The following ZBTB34 variants were observed in gnomAD, a reference collection of about 807,000 sequenced individuals.
The protein encoded by ZBTB34 is zinc finger and BTB domain-containing protein 34.
ZBTB34 carries 1 observed loss-of-function variant against 33.4 expected under a neutral mutation model. The observed-to-expected ratio is 0.03, with a 90% CI of 0.01 to 0.14. The LOEUF is 0.14. Ranked by LOEUF, ZBTB34 falls within the 10% of genes least tolerant of loss-of-function variation. The probability of loss-of-function intolerance (pLI) is 1.00; values close to 1 mark genes in which losing one functional copy is unlikely to be tolerated. For synonymous variants in ZBTB34, 283 were observed against 253.5 expected (o/e 1.12, Z -1.11); for missense variants, 406 against 657.2 (o/e 0.62, Z 4.18).
intron 1 of ZBTB34, among the ~76,000 whole-genome samples, chr9:126,878,939 G>T (rs1431933331): frequency 6.6e-6 from 1 of 152,016 alleles, no homozygotes; most frequent in Admixed American, 6.6e-5. Flanking sequence ...GGCCAGGTTG[G>T]TTTCAAACTC....
intron 1 of ZBTB34, among the ~76,000 whole-genome samples, chr9:126,871,955 ATT>A (rs549117075): frequency 5.5e-5 from 8 of 144,260 alleles, no homozygotes; most frequent in Non-Finnish European, 4.6e-5. Context: ...GTCTCTACAA[ATT>A]TTTTTTTTTT....
chr9:126,874,767 A>G (rs2033332841), intron 1 of ZBTB34, among the ~76,000 whole-genome samples: 1 of 152,146 alleles, frequency 6.6e-6, no homozygotes, highest in South Asian at 2.1e-4. Flanking sequence ...CTGTCTGGAC[A>G]GTTTCCCTGC....
rs550648895 is a variant in ZBTB34 at position 126,879,316 on chromosome 9, G to T, written c.-10-74G>T. 46 of 1,226,664 alleles carry T rather than the reference G, an allele frequency of 3.8e-5. No individual in the cohort carries two copies. Among genetic ancestry groups the T allele is most frequent in the Non-Finnish European group, 4.4e-5 (38 of 870,324 alleles). 76.0% of individuals were successfully genotyped at this position (1,226,664 alleles called of 1,614,324 possible). On this transcript the variant is annotated intron_variant, in intron 1 of 1. Coordinates refer to ENST00000319119, the Ensembl canonical transcript of ZBTB34. This position sits in a 1 kb window ranked among gnomAD's most constrained non-coding sequence, Gnocchi z 6.4. Reference sequence around the variant, plus strand: ...TGATAGCCACAATGGTATTGTTGTTGTAAGCTTGTGTTTATGCCACTTGTA... The same window carrying T: ...TGATAGCCACAATGGTATTGTTGTTTTAAGCTTGTGTTTATGCCACTTGTA...
intron 1 of ZBTB34, among the ~76,000 whole-genome samples, chr9:126,873,932 G>A (rs141802343): frequency 6.6e-6 from 1 of 151,554 alleles, no homozygotes; most frequent in Non-Finnish European, 1.5e-5. Context: ...ACATGTAAAG[G>A]CTATTTTTAT....
rs185976311 is a variant in ZBTB34 at position 126,864,398 on chromosome 9, C to T, written c.-11+3659C>T. ...TAGTAAAATTAAAGAGGCCATTCCT[C>T]TCCTGCTTGGAAAGCTCAGAAGAAG... On this transcript the variant is annotated intron_variant, in intron 1 of 1. Coordinates refer to ENST00000319119, the Ensembl canonical transcript of ZBTB34. Among the ~76,000 whole-genome samples the T allele has an allele frequency of 3.3e-5, 5 of 152,280 alleles. No homozygotes were observed. The East Asian group carries it at 9.6e-4, about 29-fold the overall frequency.
exon 2 of ZBTB34, chr9:126,882,034 A>G (rs1293400288): frequency 6.0e-6 from 1 of 166,860 alleles, no homozygotes; most frequent in Admixed American, 6.5e-5. Context: ...TGCAGTTCCC[A>G]GGGAAACTGC....
intron 1 of ZBTB34, among the ~76,000 whole-genome samples, chr9:126,876,743 T>C (rs1328035406): frequency 1.3e-5 from 2 of 152,254 alleles, no homozygotes; most frequent in Non-Finnish European, 2.9e-5. Flanking sequence ...GCCTTGGCAC[T>C]TCTGTTTCTT....
At chr9:126,866,298 C>T (rs897356407) in intron 1 of ZBTB34, among the ~76,000 whole-genome samples, 2 of 152,182 alleles carry the variant, frequency 1.3e-5, no homozygotes, top group African/African-American at 2.4e-5. Context: ...GCTACGTGGC[C>T]TCCGAGTAGA....
Position 126,880,511 on chromosome 9 carries a change from C to G in ZBTB34, c.1112C>G (p.Pro371Arg). The change falls in exon 2 of 2, where the codon CCG becomes CGG. Residue 371 changes from proline (P) to arginine (R), a missense_variant. Physicochemically the swap from Pro to Arg is moderately radical, Grantham distance 103. Coordinates refer to ENST00000319119, the Ensembl canonical transcript of ZBTB34. This position sits in a 1 kb window ranked among gnomAD's most constrained non-coding sequence, Gnocchi z 6.7. ...AGGAGTGCGAGAGGGCATTGGTACC[C>G]GTACAATGAGAGGTTGATCTGTATT... 1 of 1,613,800 alleles carries G rather than the reference C, an allele frequency of 6.2e-7. No homozygotes were observed. Among genetic ancestry groups the G allele is most frequent in the Non-Finnish European group, 8.5e-7 (1 of 1,179,878 alleles).
chr9:126,877,041 A>G (rs1045224629), intron 1 of ZBTB34, among the ~76,000 whole-genome samples: 3 of 152,046 alleles, frequency 2.0e-5, no homozygotes, highest in South Asian at 2.1e-4. Flanking sequence ...TTATTTTCCT[A>G]CTGTCTTTGG....
At chr9:126,881,752 G>A (rs1282344463) in exon 2 of ZBTB34, 2 of 166,972 alleles carry the variant, frequency 1.2e-5, no homozygotes, top group African/African-American at 4.8e-5. Context: ...ACATAGTGTA[G>A]TGTTATATTA....
chr9:126,881,129 G>T, exon 2 of ZBTB34: 1 of 561,214 alleles, frequency 1.8e-6, no homozygotes, highest in East Asian at 3.2e-5. Flanking sequence ...CGCATCCAGG[G>T]AAAACACAGG....
At chr9:126,867,931 G>A (rs1297133301) in intron 1 of ZBTB34, among the ~76,000 whole-genome samples, 1 of 152,096 alleles carries the variant, frequency 6.6e-6, no homozygotes, top group East Asian at 1.9e-4. Flanking sequence ...GCCATTGGTG[G>A]GCCACGGTAT....
intron 1 of ZBTB34, among the ~76,000 whole-genome samples, chr9:126,866,249 G>A (rs2033199969): frequency 1.3e-5 from 2 of 151,862 alleles, no homozygotes; most frequent in South Asian, 2.1e-4. Context: ...TATTTCCCAC[G>A]ACCCCGTGAA....
At chr9:126,864,118 C>G (rs1459639732) in intron 1 of ZBTB34, among the ~76,000 whole-genome samples, 6 of 152,174 alleles carry the variant, frequency 3.9e-5, no homozygotes, top group Non-Finnish European at 5.9e-5. Context: ...AATCCTGCAT[C>G]TCACCAGTAT....
Position 126,879,022 on chromosome 9 carries a change from C to T in ZBTB34, c.-10-368C>T, listed in dbSNP as rs906583778. Among the ~76,000 whole-genome samples the T allele has an allele frequency of 2.6e-5, 4 of 152,064 alleles. No individual in the cohort carries two copies. The highest frequency in any genetic ancestry group is 5.9e-5 in the Non-Finnish European group (4 of 68,032). ...TATAGGTGTAAGCCACTGCGCCTGG[C>T]CTGAATTTAGTTATTTTTCACAAAG... On this transcript the variant is annotated intron_variant, in intron 1 of 1. Transcript: ENST00000319119. The surrounding 1 kb of genome is among the most constrained non-coding windows in gnomAD (Gnocchi z 6.4).
rs149910487 is a variant in ZBTB34, at chr9:126,861,491, AAG to A, written c.-11+754_-11+755del. ...CATTGAGGGTTTCATTTAACTCTCT[AAG>A]AACCCTTCTGGCTCTGCCATTCCGT... On this transcript the variant is annotated intron_variant, in intron 1 of 1. Transcript: ENST00000319119. 8.6e-3 allele frequency among the ~76,000 whole-genome samples: 1,314 copies of A among 152,332 alleles called. 24 individuals carry two copies. The highest frequency in any genetic ancestry group is 0.031 in the African/African-American group (1,272 of 41,588).
chr9:126,877,762 T>C (rs1186002685), intron 1 of ZBTB34, among the ~76,000 whole-genome samples: 1 of 152,206 alleles, frequency 6.6e-6, no homozygotes, highest in Non-Finnish European at 1.5e-5. Flanking sequence ...CTCAGCACTT[T>C]GGGAGGCCGT....
At chr9:126,872,492 T>G (rs2033293726) in intron 1 of ZBTB34, among the ~76,000 whole-genome samples, 1 of 152,170 alleles carries the variant, frequency 6.6e-6, no homozygotes, top group African/African-American at 2.4e-5. Context: ...AATCAAGAGC[T>G]TCAAGAAACC....
Sources: allele counts gnomAD v4.1 joint callset (sites outside exome capture counted in the v4.1 genomes callset), GRCh38; gene constraint gnomAD v4.1.1; non-coding constraint Gnocchi (gnomAD v3.1); transcripts MANE v1.5; gene names NCBI Gene and HGNC (gene_info 2026-07-23, HGNC 2026-07-21).